The following ADARB2 variants were observed in gnomAD, a reference collection of about 807,000 sequenced individuals.
The protein encoded by ADARB2 is inactive double-stranded RNA-specific editase B2.
In ADARB2, 25 loss-of-function variants were observed where a neutral mutation model predicts 62.2. The ratio of observed to expected loss-of-function variants is 0.40; its 90% CI spans 0.29 to 0.56. The LOEUF (loss-of-function observed/expected upper bound fraction) is 0.56. Ranked by LOEUF, ADARB2 falls within the 20% of genes least tolerant of loss-of-function variation. The pLI, the probability that ADARB2 is intolerant of heterozygous loss-of-function variation, is 0.43. For synonymous variants in ADARB2, 572 were observed against 500.8 expected, an observed-to-expected ratio of 1.14 and a Z score of -1.90; for missense variants, 1,071 against 1,077.4, an observed-to-expected ratio of 0.99 and a Z score of 0.08.
At chr10:1,269,851 T>C (rs1831243060) in intron 4 of ADARB2, among the ~76,000 whole-genome samples, 3 of 152,164 alleles carry the variant, frequency 2.0e-5, no homozygotes, top group Non-Finnish European at 4.4e-5. Context: ...AGGTGAACTC[T>C]TAGCCCTCAA....
chr10:1,374,590 C>T (rs1011383567), intron 2 of ADARB2, among the ~76,000 whole-genome samples: 2 of 152,164 alleles, frequency 1.3e-5, no homozygotes, highest in African/African-American at 4.8e-5. Context: ...GCGGGTGGGG[C>T]CAGGCCGGGT....
At chr10:1,304,329 C>T (rs1831605260) in intron 3 of ADARB2, among the ~76,000 whole-genome samples, 2 of 150,042 alleles carry the variant, frequency 1.3e-5, no homozygotes, top group African/African-American at 2.4e-5. Flanking sequence ...AGCTAACTAT[C>T]CTAAATATAT....
At chr10:1,676,779 A>AT (rs1347206854) in intron 1 of ADARB2, among the ~76,000 whole-genome samples, 2 of 36,448 alleles carry the variant, frequency 5.5e-5, no homozygotes, top group South Asian at 3.1e-3. Context: ...CGTATTATTC[A>AT]TTTTAATTTT....
chr10:1,600,304 T>A (rs188890161), intron 1 of ADARB2, among the ~76,000 whole-genome samples: 4 of 152,220 alleles, frequency 2.6e-5, no homozygotes, highest in Admixed American at 2.6e-4. Context: ...TCCCAGAAAC[T>A]GCTGGCCTTC....
chr10:1,300,388 TG>T (rs1831562532), intron 3 of ADARB2, among the ~76,000 whole-genome samples: 1 of 152,070 alleles, frequency 6.6e-6, no homozygotes, highest in Admixed American at 6.5e-5. Flanking sequence ...GCCAGGCTGA[TG>T]CCAGCTCCAC....
intron 1 of ADARB2, among the ~76,000 whole-genome samples, chr10:1,441,212 C>T (rs928933198): frequency 1.4e-4 from 21 of 152,114 alleles, no homozygotes; most frequent in African/African-American, 4.8e-4. Flanking sequence ...ATCCTAGATT[C>T]CTTGGGAAAA....
At chr10:1,555,526 G>A (rs1449988408) in intron 1 of ADARB2, among the ~76,000 whole-genome samples, 5 of 152,126 alleles carry the variant, frequency 3.3e-5, no homozygotes, top group South Asian at 4.2e-4. Context: ...TTGACTGCAG[G>A]GACCGTGAGT....
intron 6 of ADARB2, among the ~76,000 whole-genome samples, chr10:1,226,480 G>A (rs1830747731): frequency 6.6e-6 from 1 of 152,196 alleles, no homozygotes; most frequent in Non-Finnish European, 1.5e-5. Flanking sequence ...AGGAGGAGAG[G>A]TGCTCTGATT....
chr10:1,412,910 C>A (rs1832771341), intron 1 of ADARB2, among the ~76,000 whole-genome samples: 1 of 152,232 alleles, frequency 6.6e-6, no homozygotes, highest in Admixed American at 6.5e-5. Context: ...ACGTAGGTTC[C>A]TTTTCCTTGG....
At chr10:1,735,338 A>G (rs988892824) in intron 1 of ADARB2, among the ~76,000 whole-genome samples, 2 of 152,254 alleles carry the variant, frequency 1.3e-5, no homozygotes, top group Non-Finnish European at 2.9e-5. Flanking sequence ...CCTAAATTGA[A>G]TACTTTCTAA....
intron 1 of ADARB2, among the ~76,000 whole-genome samples, chr10:1,663,424 C>A (rs887697574): frequency 6.6e-6 from 1 of 152,208 alleles, no homozygotes; most frequent in East Asian, 1.9e-4. Context: ...AAACGCCCTC[C>A]GTGCTCCGCC....
chr10:1,370,069 G>A (rs1226366314), intron 2 of ADARB2, among the ~76,000 whole-genome samples: 1 of 152,162 alleles, frequency 6.6e-6, no homozygotes, highest in Non-Finnish European at 1.5e-5. Flanking sequence ...CTCAGAATGC[G>A]TGATTTCAGC....
chr10:1,417,548 G>A (rs1011990545), intron 1 of ADARB2, among the ~76,000 whole-genome samples: 1 of 152,242 alleles, frequency 6.6e-6, no homozygotes, highest in African/African-American at 2.4e-5. Flanking sequence ...AGTGGAGTAA[G>A]TGATATTCCT....
chr10:1,518,716 G>A (rs542641240), intron 1 of ADARB2, among the ~76,000 whole-genome samples: 92 of 152,038 alleles, frequency 6.1e-4, no homozygotes, highest in Non-Finnish European at 1.1e-3. Context: ...TTCATTCCGT[G>A]TAATGTCTGC....
rs1410923906 is a variant in ADARB2, at chr10:1,233,970, TTTTTTTCC to T, written c.1362-133_1362-126del. The T allele has an allele frequency of 4.2e-4, 392 of 938,868 alleles. 7 individuals are homozygous for T. The African/African-American group carries it at 4.3e-3, about 10-fold the overall frequency. The allele number at this position is 938,868 out of a possible 1,614,324, so 58.2% of individuals were successfully genotyped here. A position where few individuals can be genotyped will look rare whatever the true frequency, so the allele number is the denominator to read the frequency against. ...AAGTTTTCCTTTATATTTTTCCTTT[TTTTTTTCC>T]TTTTTTTTTTGAGACGGAGTCTTGT... On this transcript the variant is annotated intron_variant, in intron 5 of 9. Coordinates refer to ENST00000381312, the MANE Select transcript of ADARB2 (RefSeq NM_018702.4).
At chr10:1,370,168 G>C (rs1832355428) in intron 2 of ADARB2, among the ~76,000 whole-genome samples, 1 of 152,156 alleles carries the variant, frequency 6.6e-6, no homozygotes, top group Non-Finnish European at 1.5e-5. Flanking sequence ...CCATAAATGT[G>C]ATTTACCACA....
intron 1 of ADARB2, among the ~76,000 whole-genome samples, chr10:1,715,169 G>A (rs867642602): frequency 1.3e-5 from 2 of 152,056 alleles, no homozygotes; most frequent in Middle Eastern, 6.8e-3. Context: ...TTATTAGAAA[G>A]CAAGAAGTCT....
At chr10:1,266,811 T>A (rs1326846889) in intron 4 of ADARB2, among the ~76,000 whole-genome samples, 1 of 152,024 alleles carries the variant, frequency 6.6e-6, no homozygotes, top group Admixed American at 6.5e-5. Flanking sequence ...AAGTTACAGC[T>A]ACAGAACAAG....
At chr10:1,510,110 C>CTCCTT (rs1831908568) in intron 1 of ADARB2, among the ~76,000 whole-genome samples, 2 of 106,184 alleles carry the variant, frequency 1.9e-5, no homozygotes, top group Non-Finnish European at 1.9e-5. Flanking sequence ...CTTTCTTTCT[C>CTCCTT]TCTTTCTTTC....
Sources: allele counts gnomAD v4.1 joint callset (sites outside exome capture counted in the v4.1 genomes callset), GRCh38; gene constraint gnomAD v4.1.1; transcripts MANE v1.5; gene names NCBI Gene and HGNC (gene_info 2026-07-23, HGNC 2026-07-21).